The following MRAP2 variants were observed in gnomAD, a reference collection of about 807,000 sequenced individuals.
MRAP2 encodes the protein melanocortin 2 receptor accessory protein 2.
Under a neutral mutation model 17.4 loss-of-function variants are expected in MRAP2, and 20 were observed. The ratio of observed to expected loss-of-function variants is 1.15; its 90% confidence interval spans 0.81 to 1.67. The LOEUF is 1.67. Ranked by LOEUF, MRAP2 falls within the 40% of genes most tolerant of loss-of-function variation. The pLI is 0.00. For missense variants in MRAP2, 238 were observed against 240.0 expected (o/e 0.99, Z 0.05); for synonymous variants, 96 against 88.4 (o/e 1.09, Z -0.48).
chr6:84,092,800 T>C (rs770764306), downstream of MRAP2, among the ~76,000 whole-genome samples: 7 of 152,096 alleles, frequency 4.6e-5, no homozygotes, highest in Non-Finnish European at 1.0e-4. Flanking sequence ...CCCCATTTGG[T>C]TGAAAAAAAA....
the MRAP2 span, among the ~76,000 whole-genome samples, chr6:84,114,358 C>T: frequency 6.6e-6 from 1 of 151,960 alleles, no homozygotes; most frequent in Admixed American, 6.6e-5. Context: ...CTTTCTTCCA[C>T]TTGATCGATT....
intron 1 of MRAP2, chr6:84,035,444 G>A (rs1456026596): frequency 1.0e-6 from 1 of 983,194 alleles, no homozygotes; most frequent in Non-Finnish European, 1.2e-6. Context: ...ATCAGGGTAT[G>A]CTGTATCCAT....
At chr6:84,061,990 CAG>C (rs2099493292) in intron 2 of MRAP2, 9 of 979,092 alleles carry the variant, frequency 9.2e-6, no homozygotes, top group Non-Finnish European at 1.1e-5. Flanking sequence ...AGGCAGAAGG[CAG>C]AGAGAGCACT....
downstream of MRAP2, among the ~76,000 whole-genome samples, chr6:84,092,817 TACAAGTGG>T (rs2099501998): frequency 6.6e-6 from 1 of 152,248 alleles, no homozygotes; most frequent in African/African-American, 2.4e-5. Flanking sequence ...AAAATCTGCA[TACAAGTGG>T]ACACGTGCAG....
chr6:84,106,412 C>T, the MRAP2 span, among the ~76,000 whole-genome samples: 1 of 152,170 alleles, frequency 6.6e-6, no homozygotes, highest in Non-Finnish European at 1.5e-5. Context: ...ATGTAATTAA[C>T]CTGCCACCAG....
At chr6:84,097,921 T>C in the MRAP2 span, among the ~76,000 whole-genome samples, 1 of 152,202 alleles carries the variant, frequency 6.6e-6, no homozygotes, top group African/African-American at 2.4e-5. Context: ...AATCAGGCAT[T>C]GAAGTGGGTC....
intron 3 of MRAP2, among the ~76,000 whole-genome samples, chr6:84,085,848 A>G (rs1212530242): frequency 6.7e-6 from 1 of 149,302 alleles, no homozygotes; most frequent in Non-Finnish European, 1.5e-5. Context: ...AGAGAGATGC[A>G]GCATTCTTCA....
chr6:84,085,106 G>A (rs1473434759), intron 3 of MRAP2, among the ~76,000 whole-genome samples: 1 of 151,598 alleles, frequency 6.6e-6, no homozygotes, highest in African/African-American at 2.4e-5. Context: ...CCAGGCTGGA[G>A]TGCAGTGGCG....
At chr6:84,083,665 T>C (rs1292858640) in intron 3 of MRAP2, among the ~76,000 whole-genome samples, 3 of 152,188 alleles carry the variant, frequency 2.0e-5, no homozygotes, top group African/African-American at 7.2e-5. Context: ...AAAACCAGCT[T>C]ATTTATCAAA....
chr6:84,079,756 TGAAAG>T (rs1468561404), intron 3 of MRAP2, among the ~76,000 whole-genome samples: 1 of 152,166 alleles, frequency 6.6e-6, no homozygotes, highest in Non-Finnish European at 1.5e-5. Context: ...ATAAAGATAT[TGAAAG>T]GAAAAGTGAG....
At chr6:84,134,347 C>T in the MRAP2 span, among the ~76,000 whole-genome samples, 1 of 152,168 alleles carries the variant, frequency 6.6e-6, no homozygotes, top group Non-Finnish European at 1.5e-5. Context: ...GGCTTCAACC[C>T]TCTTTCCAGG....
intron 1 of MRAP2, among the ~76,000 whole-genome samples, chr6:84,046,458 GACAGGTACAACAGAA>G (rs1307200619): frequency 2.0e-5 from 3 of 152,108 alleles, no homozygotes; most frequent in Non-Finnish European, 4.4e-5. Context: ...TTGGGCTAAT[GACAGGTACAACAGAA>G]GGTAAAGCTT....
At chr6:84,115,414 C>T in the MRAP2 span, among the ~76,000 whole-genome samples, 4 of 152,144 alleles carry the variant, frequency 2.6e-5, no homozygotes, top group African/African-American at 9.7e-5. Flanking sequence ...CAATGGTGGA[C>T]GCCCCTTCAC....
At chr6:84,062,466 A>G (rs2099493406) in intron 2 of MRAP2, 1 of 888,092 alleles carries the variant, frequency 1.1e-6, no homozygotes, top group Non-Finnish European at 1.3e-6. Context: ...TTTTCCTTGC[A>G]CAGTTAATAT....
rs187136828 is a variant in MRAP2 at position 84,086,521 on chromosome 6, C to T, written c.228-2570C>T. Among the ~76,000 whole-genome samples, 1,001 of 152,248 alleles carry T rather than the reference C, an allele frequency of 6.6e-3. 13 individuals are homozygous for T. Among genetic ancestry groups the T allele is most frequent in the South Asian group, 0.024 (117 of 4,826 alleles). On this transcript the variant is annotated intron_variant, in intron 3 of 3. Transcript: ENST00000257776. ...TGACAACTTTCACAACATACAGGTC[C>T]TTTTGTTTATCAGTCAAGGAAAGAA...
chr6:84,126,372 C>T, the MRAP2 span: 1 of 1,578,382 alleles, frequency 6.3e-7, no homozygotes, highest in South Asian at 1.2e-5. Context: ...ATGTGATTTA[C>T]TTTACCTGTT....
downstream of MRAP2, among the ~76,000 whole-genome samples, chr6:84,095,690 C>A (rs2099502557): frequency 6.6e-6 from 1 of 152,146 alleles, no homozygotes; most frequent in Non-Finnish European, 1.5e-5. Flanking sequence ...CATCCTGTCA[C>A]CCAGAAAAGA....
the MRAP2 span, among the ~76,000 whole-genome samples, chr6:84,117,642 G>GGTGTGT: frequency 2.1e-5 from 3 of 140,892 alleles, no homozygotes; most frequent in African/African-American, 8.6e-5. Flanking sequence ...TTGGATGTGG[G>GGTGTGT]GTGTGTGTCT....
Position 84,062,926 on chromosome 6 carries a change from C to T in MRAP2, c.161C>T (p.Ala54Val), listed in dbSNP as rs969080190. The change falls in exon 3 of 4, where the codon GCA (alanine) becomes GTA (valine). Residue 54 changes from alanine (A) to valine (V), a missense_variant. Coordinates refer to ENST00000257776, the MANE Select transcript of MRAP2 (RefSeq NM_138409.4). ...SIVIGFWVGL[A>V]VFVIFMFFVL... is the part of the protein sequence containing the mutation. ...GTGATTGGATTTTGGGTTGGTCTTG[C>T]AGTCTTCGTGATTTTTATGTTTTTT... 4.3e-6 allele frequency: 7 copies of T among 1,614,024 alleles called. No individual in the cohort carries two copies. Among genetic ancestry groups the T allele is most frequent in the African/African-American group, 4.0e-5 (3 of 74,912 alleles).
Sources: gnomAD v4.1 joint callset for allele counts (sites outside exome capture counted in the v4.1 genomes callset) on GRCh38, gnomAD v4.1.1 for gene constraint, MANE v1.5 for transcripts, NCBI Gene and HGNC (gene_info 2026-07-23, HGNC 2026-07-21) for gene names.